The following ASXL3 variants were observed in gnomAD, a reference collection of about 807,000 sequenced individuals.
ASXL3 encodes the protein putative Polycomb group protein ASXL3.
ASXL3 carries 34 observed loss-of-function variants against 170.6 expected under a neutral mutation model. That is an observed-to-expected ratio of 0.20 (90% CI 0.15 to 0.27). The LOEUF (loss-of-function observed/expected upper bound fraction) is 0.27, where lower values mean the gene tolerates loss of function less well. ASXL3 is among the 10% of genes least tolerant of loss of function. ASXL3 has a pLI of 1.00. For synonymous variants in ASXL3, 1,002 were observed against 989.1 expected (o/e 1.01, Z -0.24); for missense variants, 2,592 against 2,695.3 (o/e 0.96, Z 0.85).
At chr18:33,629,312 A>G (rs1049574233) in intron 2 of ASXL3, among the ~76,000 whole-genome samples, 1 of 152,142 alleles carries the variant, frequency 6.6e-6, no homozygotes, top group African/African-American at 2.4e-5. Context: ...TGGCAATATA[A>G]AAGACCAAGA....
At chr18:33,614,502 T>G (rs564341836) in intron 2 of ASXL3, 1 of 152,294 alleles carries the variant, frequency 6.6e-6, no homozygotes, top group East Asian at 1.9e-4. Flanking sequence ...ATACTCTTGT[T>G]AATGTTGCTA....
intron 8 of ASXL3, among the ~76,000 whole-genome samples, chr18:33,728,305 T>C (rs2067381959): frequency 6.6e-6 from 1 of 152,174 alleles, no homozygotes; most frequent in South Asian, 2.1e-4. Context: ...CTTCTATACA[T>C]GTACTCCACA....
At chr18:33,640,859 A>G (rs371833324) in intron 2 of ASXL3, among the ~76,000 whole-genome samples, 32 of 151,816 alleles carry the variant, frequency 2.1e-4, no homozygotes, top group African/African-American at 7.5e-4. Flanking sequence ...TGTTGTTTTT[A>G]TGCTTTTGTT....
In ASXL3 at chr18:33,612,106, G is replaced by A. The variant is rs114340795; in HGVS notation, c.137+4430G>A. 2.7e-3 allele frequency among the ~76,000 whole-genome samples: 418 copies of A among 152,060 alleles called. 5 individuals carry two copies. Among genetic ancestry groups the A allele is most frequent in the African/African-American group, 9.3e-3 (387 of 41,484 alleles). On this transcript the variant is annotated intron_variant, in intron 2 of 11. Transcript: ENST00000269197. Reference sequence around the variant, plus strand: ...AAGATACCTGTCATTAATGTAGCATGAACTGTGATTTAGTTTTTATATTAT... The same window carrying A: ...AAGATACCTGTCATTAATGTAGCATAAACTGTGATTTAGTTTTTATATTAT...
chr18:33,588,179 C>T (rs1034880467), intron 1 of ASXL3, among the ~76,000 whole-genome samples: 1 of 151,996 alleles, frequency 6.6e-6, no homozygotes, highest in East Asian at 1.9e-4. Context: ...TAAGATTTCC[C>T]TTAACATCTA....
chr18:33,636,483 G>A (rs896509290), intron 2 of ASXL3, among the ~76,000 whole-genome samples: 2 of 152,180 alleles, frequency 1.3e-5, no homozygotes, highest in Non-Finnish European at 2.9e-5. Flanking sequence ...TTGGACCTGG[G>A]AGTTGAAGCA....
chr18:33,702,731 A>G (rs1460092412), intron 8 of ASXL3, among the ~76,000 whole-genome samples: 1 of 152,144 alleles, frequency 6.6e-6, no homozygotes, highest in African/African-American at 2.4e-5. Flanking sequence ...TTTGCCATTC[A>G]TAAATTATAT....
At chr18:33,677,731 A>G (rs993885896) in intron 7 of ASXL3, among the ~76,000 whole-genome samples, 13 of 152,196 alleles carry the variant, frequency 8.5e-5, no homozygotes, top group Non-Finnish European at 1.5e-4. Flanking sequence ...CTATATTTTA[A>G]TGGACTCAGT....
chr18:33,606,432 T>A (rs1044275181), intron 1 of ASXL3, among the ~76,000 whole-genome samples: 1 of 151,862 alleles, frequency 6.6e-6, no homozygotes, highest in Admixed American at 6.6e-5. Flanking sequence ...AAGGTTAGGA[T>A]GGGCAGGCTG....
At chr18:33,714,754 G>A (rs967933663) in intron 8 of ASXL3, among the ~76,000 whole-genome samples, 14 of 151,832 alleles carry the variant, frequency 9.2e-5, no homozygotes, top group African/African-American at 3.4e-4. Context: ...TCCTCCCCCG[G>A]TCTTTCTCTC....
At chr18:33,603,040 T>G (rs920490052) in intron 1 of ASXL3, among the ~76,000 whole-genome samples, 4 of 152,232 alleles carry the variant, frequency 2.6e-5, no homozygotes, top group African/African-American at 7.2e-5. Context: ...TGATACCCAC[T>G]TAGAATTCCA....
chr18:33,585,497 T>C (rs1467046321), intron 1 of ASXL3, among the ~76,000 whole-genome samples: 2 of 152,196 alleles, frequency 1.3e-5, no homozygotes, highest in African/African-American at 4.8e-5. Flanking sequence ...TCCCTCAGTA[T>C]TCCCACTTGA....
chr18:33,723,818 T>A (rs1265046106), intron 8 of ASXL3, among the ~76,000 whole-genome samples: 1 of 152,154 alleles, frequency 6.6e-6, no homozygotes, highest in East Asian at 1.9e-4. Context: ...CAGCTTATTT[T>A]AAGCAATTAT....
chr18:33,743,974 A>G lies in ASXL3; in HGVS notation c.4126A>G (p.Ile1376Val), dbSNP rs369756991. 1.7e-5 allele frequency: 28 copies of G among 1,613,924 alleles called. No individual in the cohort carries two copies. Among genetic ancestry groups the G allele is most frequent in the Admixed American group, 1.0e-4 (6 of 60,014 alleles). The change falls in exon 12 of 12, where the codon ATA (isoleucine) becomes GTA (valine). Residue 1376 changes from isoleucine (I) to valine (V), a missense_variant. Ile to Val is a conservative substitution (Grantham distance 29). Coordinates refer to ENST00000269197, the MANE Select transcript of ASXL3 (RefSeq NM_030632.3). ...NNRFPSEKIA[I>V]PGSEEQATVS... ...CAGATTTCCTTCTGAGAAGATAGCC[A>G]TACCTGGGAGTGAAGAACAGGCCAC...
intron 8 of ASXL3, among the ~76,000 whole-genome samples, chr18:33,710,256 C>T (rs568927650): frequency 6.6e-5 from 10 of 152,122 alleles, no homozygotes; most frequent in African/African-American, 1.9e-4. Context: ...AGCAAAACTC[C>T]GTCTCAAAAA....
chr18:33,680,486 G>A (rs538955735), intron 7 of ASXL3, among the ~76,000 whole-genome samples: 11 of 152,044 alleles, frequency 7.2e-5, no homozygotes, highest in Non-Finnish European at 1.5e-4. Flanking sequence ...TGATTATTGA[G>A]TTGTAAAAGT....
At chr18:33,638,842 C>T (rs1268847124) in intron 2 of ASXL3, among the ~76,000 whole-genome samples, 5 of 152,086 alleles carry the variant, frequency 3.3e-5, no homozygotes, top group African/African-American at 1.2e-4. Flanking sequence ...TAAATGGTAG[C>T]TATAGTAATA....
At chr18:33,700,216 G>C (rs1315548145) in intron 8 of ASXL3, among the ~76,000 whole-genome samples, 1 of 152,002 alleles carries the variant, frequency 6.6e-6, no homozygotes, top group East Asian at 1.9e-4. Context: ...CTTTGAGAGG[G>C]AGCAATTAAG....
intron 4 of ASXL3, among the ~76,000 whole-genome samples, chr18:33,656,442 G>C (rs536674618): frequency 6.6e-6 from 1 of 151,996 alleles, no homozygotes; most frequent in African/African-American, 2.4e-5. Flanking sequence ...CTTATTGGGT[G>C]GCTCAGTGGG....
Sources: allele counts gnomAD v4.1 joint callset (sites outside exome capture counted in the v4.1 genomes callset), GRCh38; gene constraint gnomAD v4.1.1; transcripts MANE v1.5; gene names NCBI Gene and HGNC (gene_info 2026-07-23, HGNC 2026-07-21).